Variants in TRMT2B observed in about 807,000 individuals in gnomAD.
TRMT2B encodes tRNA methyltransferase 2B, also known as tRNA (uracil-5-)-methyltransferase homolog B.
In TRMT2B, 34 loss-of-function variants were observed where a neutral mutation model predicts 39.7. The ratio of observed to expected loss-of-function variants is 0.86; its 90% CI spans 0.65 to 1.14. The LOEUF (loss-of-function observed/expected upper bound fraction) is 1.14. Ranked by LOEUF, TRMT2B falls within the 50% of genes most tolerant of loss-of-function variation. The probability of loss-of-function intolerance (pLI) is 0.00; values close to 1 mark genes in which losing one functional copy is unlikely to be tolerated. For missense variants in TRMT2B, 318 were observed against 377.2 expected, an observed-to-expected ratio of 0.84 and a Z score of 1.30; for synonymous variants, 132 against 137.3, an observed-to-expected ratio of 0.96 and a Z score of 0.27.
At chrX:101,007,828 G>T, downstream of TRMT2B, among the ~76,000 whole-genome samples, 1 of 111,181 alleles carries the variant, frequency 9.0e-6, no homozygotes, top group Non-Finnish European at 1.9e-5. Context: ...CTCCCCACTA[G>T]CTGGTATTTC....
At chrX:101,048,566 G>A (rs185060522) in intron 2 of TRMT2B, among the ~76,000 whole-genome samples, 8 of 112,132 alleles carry the variant, frequency 7.1e-5, no homozygotes, top group Admixed American at 5.7e-4. Flanking sequence ...AGCCTCCCGC[G>A]TAGCTGGGAT....
At chrX:101,017,825 G>C (rs1279049085) in intron 13 of TRMT2B, among the ~76,000 whole-genome samples, 3 of 112,358 alleles carry the variant, frequency 2.7e-5, no homozygotes, top group Non-Finnish European at 5.6e-5. Flanking sequence ...ATTCAGGTAA[G>C]GCTCACTGAG....
chrX:100,986,704 TCTC>T, the TRMT2B span: 24 of 525,577 alleles, frequency 4.6e-5, no homozygotes, highest in Non-Finnish European at 6.5e-5. Context: ...TAGAATTTGT[TCTC>T]CTCCTCTTTC....
At chrX:100,987,260 A>C in the TRMT2B span, 19 of 615,075 alleles carry the variant, frequency 3.1e-5, no homozygotes, top group African/African-American at 9.2e-5. Context: ...GTCTCCTAGA[A>C]GTCTCAGAGC....
chrX:101,045,817 A>G (rs1389248594), intron 2 of TRMT2B, among the ~76,000 whole-genome samples: 2 of 107,493 alleles, frequency 1.9e-5, no homozygotes, highest in Non-Finnish European at 3.8e-5. Flanking sequence ...TAATATTAAT[A>G]ATATAACAAA....
the TRMT2B span, among the ~76,000 whole-genome samples, chrX:100,977,369 C>CTTTT: frequency 6.6e-4 from 37 of 56,453 alleles, 3 homozygotes; most frequent in African/African-American, 2.3e-3. Context: ...CTACTCTCTT[C>CTTTT]TTTTTTTTTT....
At chrX:100,973,796 C>T in the TRMT2B span, 4 of 1,107,870 alleles carry the variant, frequency 3.6e-6, no homozygotes, top group East Asian at 6.0e-5. Flanking sequence ...TTTCCTCCCA[C>T]AAATCTGCCC....
At chrX:100,982,366 CCT>C in the TRMT2B span, among the ~76,000 whole-genome samples, 1 of 110,566 alleles carries the variant, frequency 9.0e-6, no homozygotes, top group African/African-American at 3.3e-5. Flanking sequence ...GTGGTGGGGG[CCT>C]GTAATCTCAG....
At chrX:100,991,080 T>C in the TRMT2B span, among the ~76,000 whole-genome samples, 3 of 111,943 alleles carry the variant, frequency 2.7e-5, no homozygotes, top group East Asian at 8.4e-4. Context: ...ATAGGTTGAG[T>C]ATCCCTTATC....
the TRMT2B span, among the ~76,000 whole-genome samples, chrX:100,975,065 A>G: frequency 8.9e-6 from 1 of 111,886 alleles, no homozygotes; most frequent in South Asian, 3.8e-4. Flanking sequence ...AGGACTTAAT[A>G]TAAAAGTCTG....
rs536682278 is a variant in TRMT2B at position 101,040,453 on chromosome X, G to A, written c.303+864C>T. On this transcript the variant is annotated intron_variant, in intron 4 of 13. Coordinates refer to ENST00000372936, the MANE Select transcript of TRMT2B (RefSeq NM_024917.6). ...GGGAGCTGGTAGATGTTTGAGGTGC[G>A]TGCATGCATTCATTTTACATGTTCT... is the stretch of plus-strand genomic sequence containing the variant. 3.2e-4 allele frequency among the ~76,000 whole-genome samples: 36 copies of A among 111,106 alleles called. No individual in the cohort carries two copies. In the South Asian group the frequency reaches 0.012, roughly 37 times the overall value.
the TRMT2B span, among the ~76,000 whole-genome samples, chrX:100,991,374 T>TTTTTGTTTTG: frequency 0.5 from 52,118 of 104,434 alleles, 10,880 homozygotes; most frequent in East Asian, 0.88. Flanking sequence ...CAGTGCTAAG[T>TTTTTGTTTTG]TTTTGTTTTG....
the TRMT2B span, among the ~76,000 whole-genome samples, chrX:100,979,198 G>A: frequency 9.0e-6 from 1 of 111,558 alleles, no homozygotes; most frequent in Non-Finnish European, 1.9e-5. Flanking sequence ...GTATTTGTCT[G>A]TATGAGTTGC....
chrX:101,024,197 GT>G (rs1156343417), intron 7 of TRMT2B, among the ~76,000 whole-genome samples: 2 of 111,114 alleles, frequency 1.8e-5, no homozygotes, highest in African/African-American at 3.3e-5. Context: ...CCAAGGTTGG[GT>G]GCACAAAGAA....
At chrX:101,026,153 G>T (rs929804337) in intron 7 of TRMT2B, among the ~76,000 whole-genome samples, 8 of 111,010 alleles carry the variant, frequency 7.2e-5, no homozygotes, top group Non-Finnish European at 1.5e-4. Context: ...TGGTTAGAAA[G>T]AAATGCTTTT....
At chrX:101,020,611 G>A in intron 10 of TRMT2B, 23 bp from the exon 11 acceptor site, 1 of 1,108,649 alleles carries the variant, frequency 9.0e-7, no homozygotes, top group Admixed American at 2.2e-5. Flanking sequence ...ACGAGAAGAA[G>A]AAGAAGGCAT....
At chrX:101,019,672 C>T (rs2086697863) in intron 11 of TRMT2B, among the ~76,000 whole-genome samples, 1 of 107,578 alleles carries the variant, frequency 9.3e-6, no homozygotes, top group Non-Finnish European at 1.9e-5. Context: ...CTCACTCTGT[C>T]ACCCAGACCA....
At chrX:100,980,813 A>G in the TRMT2B span, among the ~76,000 whole-genome samples, 4 of 110,914 alleles carry the variant, frequency 3.6e-5, no homozygotes, top group Admixed American at 9.6e-5. Flanking sequence ...GTGGTGGTGA[A>G]TCCTGTCAAG....
chrX:101,032,496 A>G (rs1031114951), intron 7 of TRMT2B, among the ~76,000 whole-genome samples: 4 of 108,317 alleles, frequency 3.7e-5, no homozygotes, highest in Non-Finnish European at 1.9e-5. Flanking sequence ...CTGAGGCAGG[A>G]GAATTGCTTG....
Sources: allele counts gnomAD v4.1 joint callset (sites outside exome capture counted in the v4.1 genomes callset), GRCh38; gene constraint gnomAD v4.1.1; transcripts MANE v1.5; gene names NCBI Gene and HGNC (gene_info 2026-07-23, HGNC 2026-07-21).